OSBPL1A: variants seen among roughly 807,000 people sequenced by gnomAD.
OSBPL1A encodes the protein oxysterol binding protein like 1A, also known as oxysterol-binding protein-related protein 1.
A neutral mutation model predicts 137.1 loss-of-function variants in OSBPL1A; 80 were observed. The ratio of observed to expected loss-of-function variants is 0.58; its 90% CI spans 0.49 to 0.70. The LOEUF (loss-of-function observed/expected upper bound fraction) is 0.70, where lower values mean the gene tolerates loss of function less well. Among genes scored for constraint, OSBPL1A ranks in the 30% least tolerant of loss-of-function variants. The pLI, the probability that OSBPL1A is intolerant of heterozygous loss-of-function variation, is 0.00. For missense variants in OSBPL1A, 970 were observed against 1,129.4 expected, an observed-to-expected ratio of 0.86 and a Z score of 2.02; for synonymous variants, 365 against 389.7, an observed-to-expected ratio of 0.94 and a Z score of 0.75.
At chr18:24,170,177 G>A (rs997024084) in intron 24 of OSBPL1A, 150 bp downstream of exon 24, 7 of 925,208 alleles carry the variant, frequency 7.6e-6, no homozygotes, top group East Asian at 2.5e-5. Context: ...TAAAGCAAAT[G>A]TCTGATCATT....
chr18:24,254,632 AATG>A (rs2089214309), intron 15 of OSBPL1A, among the ~76,000 whole-genome samples: 2 of 152,198 alleles, frequency 1.3e-5, no homozygotes, highest in Admixed American at 6.5e-5. Flanking sequence ...TCTTGAAACA[AATG>A]ATAAGAGAAA....
rs2086046973 is a variant in OSBPL1A at position 24,162,657 on chromosome 18, T to C, written c.*522A>G. 1 of 152,170 alleles carries C rather than the reference T, an allele frequency of 6.6e-6. No homozygotes were observed. Among genetic ancestry groups the C allele is most frequent in the Non-Finnish European group, 1.5e-5 (1 of 68,052 alleles). 9.4% of individuals were successfully genotyped at this position (152,170 alleles called of 1,614,324 possible). ...TTCTTGGAAGATGGAAGGGGTAACA[T>C]TGGGAGGATTAGTATGAATAAAAGC... On this transcript the variant is annotated 3_prime_UTR_variant, in exon 28 of 28. Transcript: ENST00000319481.
intron 17 of OSBPL1A, among the ~76,000 whole-genome samples, chr18:24,210,009 T>C (rs574075796): frequency 6.6e-6 from 1 of 152,234 alleles, no homozygotes; most frequent in African/African-American, 2.4e-5. Flanking sequence ...ACTTTCACTA[T>C]ATAAAAATTA....
chr18:24,333,849 C>G (rs532067113), intron 6 of OSBPL1A, among the ~76,000 whole-genome samples: 4 of 152,288 alleles, frequency 2.6e-5, no homozygotes, highest in East Asian at 3.9e-4. Context: ...GAAACTACTG[C>G]TGATCAAAAC....
chr18:24,335,456 T>C (rs2091159456), intron 5 of OSBPL1A, among the ~76,000 whole-genome samples: 1 of 152,212 alleles, frequency 6.6e-6, no homozygotes, highest in Non-Finnish European at 1.5e-5. Flanking sequence ...TCTGAAGTCA[T>C]ACTTACAGGA....
At chr18:24,287,555 C>T (rs1360683169) in intron 14 of OSBPL1A, among the ~76,000 whole-genome samples, 1 of 152,006 alleles carries the variant, frequency 6.6e-6, no homozygotes, top group Non-Finnish European at 1.5e-5. Context: ...GGCAGATCAC[C>T]TGAGATCAGG....
chr18:24,228,369 A>G (rs960116589), intron 16 of OSBPL1A, among the ~76,000 whole-genome samples: 1 of 147,578 alleles, frequency 6.8e-6, no homozygotes, highest in African/African-American at 2.5e-5. Flanking sequence ...GGCTATCCCC[A>G]CCCTTCCCCT....
intron 16 of OSBPL1A, among the ~76,000 whole-genome samples, chr18:24,238,239 A>C (rs2088562045): frequency 1.3e-5 from 2 of 152,170 alleles, no homozygotes; most frequent in South Asian, 4.1e-4. Context: ...GATTTCTTGC[A>C]TCTGTGATCA....
intron 15 of OSBPL1A, among the ~76,000 whole-genome samples, chr18:24,273,905 A>G (rs2089782089): frequency 6.6e-6 from 1 of 152,098 alleles, no homozygotes; most frequent in South Asian, 2.1e-4. Flanking sequence ...GTCAGGGAAG[A>G]CAGAATAAAG....
chr18:24,250,676 T>C (rs2089059499), intron 15 of OSBPL1A, among the ~76,000 whole-genome samples: 1 of 152,068 alleles, frequency 6.6e-6, no homozygotes, highest in African/African-American at 2.4e-5. Context: ...ACCCAACACA[T>C]TACCAGCTGT....
intron 24 of OSBPL1A, among the ~76,000 whole-genome samples, chr18:24,168,820 GCTCT>G (rs956663667): frequency 2.6e-5 from 4 of 152,116 alleles, no homozygotes; most frequent in Non-Finnish European, 5.9e-5. Context: ...GAGAATACCT[GCTCT>G]CTCCAATGGG....
intron 15 of OSBPL1A, among the ~76,000 whole-genome samples, chr18:24,261,748 A>C (rs537786207): frequency 3.3e-4 from 51 of 152,276 alleles, no homozygotes; most frequent in African/African-American, 1.2e-3. Flanking sequence ...TGGGACGATC[A>C]TCTGACCCAG....
chr18:24,390,694 C>CAAAAAAAAAAAAAAAA (rs751432894), intron 1 of OSBPL1A, among the ~76,000 whole-genome samples: 9 of 56,200 alleles, frequency 1.6e-4, no homozygotes, highest in African/African-American at 5.7e-4. Context: ...GACTCCGTCT[C>CAAAAAAAAAAAAAAAA]AAAAAAAAAA....
chr18:24,343,210 A>G (rs541965673), intron 4 of OSBPL1A, among the ~76,000 whole-genome samples: 13 of 152,286 alleles, frequency 8.5e-5, no homozygotes, highest in Non-Finnish European at 1.8e-4. Flanking sequence ...AAGAAAAACA[A>G]TTCTATTTAT....
In OSBPL1A at chr18:24,221,847, A is replaced by T. The variant is rs1419332242; in HGVS notation, c.1601+3195T>A. On this transcript the variant is annotated intron_variant, in intron 17 of 27. Coordinates refer to ENST00000319481, the MANE Select transcript of OSBPL1A (RefSeq NM_080597.4). Reference sequence around the variant, plus strand: ...TTATTCCTAGGTATGTGACTTTTTTAAAGCTACTGTAAATATCTTCTCCCT... The same window carrying T: ...TTATTCCTAGGTATGTGACTTTTTTTAAGCTACTGTAAATATCTTCTCCCT... 2.0e-5 allele frequency among the ~76,000 whole-genome samples: 3 copies of T among 152,232 alleles called. No homozygotes were observed. In the East Asian group the frequency reaches 5.8e-4, roughly 29 times the overall value.
intron 15 of OSBPL1A, among the ~76,000 whole-genome samples, chr18:24,258,857 G>A (rs1342491713): frequency 7.0e-6 from 1 of 143,356 alleles, no homozygotes; most frequent in South Asian, 2.4e-4. Context: ...TATAAAAATA[G>A]TAAAATTCTA....
chr18:24,301,338 T>G (rs901236295), intron 14 of OSBPL1A: 1 of 152,222 alleles, frequency 6.6e-6, no homozygotes, highest in Non-Finnish European at 1.5e-5. Context: ...AAACAAGAGA[T>G]TTGACTCAAG....
At chr18:24,283,171 A>C (rs1386113678) in intron 14 of OSBPL1A, among the ~76,000 whole-genome samples, 5 of 150,668 alleles carry the variant, frequency 3.3e-5, no homozygotes, top group Non-Finnish European at 3.0e-5. Flanking sequence ...AGACTGAGGC[A>C]GGAGAATCAC....
chr18:24,166,543 G>C, intron 26 of OSBPL1A, 36 bp downstream of exon 26: 1 of 1,580,914 alleles, frequency 6.3e-7, no homozygotes, highest in Non-Finnish European at 8.6e-7. Flanking sequence ...CCCGAGAAAT[G>C]AGTCTTCACT....
Sources: allele counts gnomAD v4.1 joint callset (sites outside exome capture counted in the v4.1 genomes callset), GRCh38; gene constraint gnomAD v4.1.1; transcripts MANE v1.5; gene names NCBI Gene and HGNC (gene_info 2026-07-23, HGNC 2026-07-21).